PAK5: variants seen among roughly 807,000 people sequenced by gnomAD.
PAK5 encodes p21 (RAC1) activated kinase 5, also known as serine/threonine-protein kinase PAK 5.
In PAK5, 16 loss-of-function variants were observed where a neutral mutation model predicts 65.9. The observed-to-expected ratio is 0.24, with a 90% CI of 0.16 to 0.37. PAK5 has a LOEUF of 0.37. Among genes scored for constraint, PAK5 ranks in the 10% least tolerant of loss-of-function variants. PAK5 has a pLI of 1.00. For missense variants in PAK5, 785 were observed against 903.9 expected (o/e 0.87, Z 1.69); for synonymous variants, 371 against 354.9 (o/e 1.05, Z -0.51).
rs528278229 is a variant in PAK5, at chr20:9,579,443, C to T, written c.990+702G>A. Among the ~76,000 whole-genome samples, 54 of 152,262 alleles carry T rather than the reference C, an allele frequency of 3.5e-4. 2 individuals carry two copies. In the South Asian group the frequency reaches 8.9e-3, roughly 25 times the overall value. On this transcript the variant is annotated intron_variant, in intron 4 of 9. Coordinates refer to ENST00000353224, the MANE Select transcript of PAK5 (RefSeq NM_177990.4). ...AACTTCTCCGGCAGTGATTCCCAAA[C>T]TTTAGGATATCATAGACCAGTCAAA...
intron 3 of PAK5, among the ~76,000 whole-genome samples, chr20:9,618,055 G>GA (rs2046693222): frequency 6.6e-6 from 1 of 152,160 alleles, no homozygotes; most frequent in Non-Finnish European, 1.5e-5. Context: ...TTCAGTGGAG[G>GA]TAATATTAGT....
At chr20:9,785,673 G>A (rs1189691257) in intron 1 of PAK5, among the ~76,000 whole-genome samples, 1 of 152,132 alleles carries the variant, frequency 6.6e-6, no homozygotes. Context: ...AATGTCTAAG[G>A]CATAGGAGAG....
rs1415020555 is a variant in PAK5 at position 9,557,605 on chromosome 20, T to C, written c.1743+3A>G. The C allele has an allele frequency of 2.5e-6, 4 of 1,607,382 alleles. No homozygotes were observed. The highest frequency in any genetic ancestry group is 1.3e-5 in the African/African-American group (1 of 74,806). ...ACGAACGGGCCAAACATGAACATCT[T>C]ACCCGGCCATCGCTTGTCAGGAGGA... On this transcript the variant is annotated splice_donor_region_variant and intron_variant, in intron 7 of 9. Coordinates refer to ENST00000353224, the MANE Select transcript of PAK5 (RefSeq NM_177990.4).
chr20:9,562,562 A>G (rs1335076265), intron 6 of PAK5, among the ~76,000 whole-genome samples: 2 of 152,226 alleles, frequency 1.3e-5, no homozygotes, highest in Non-Finnish European at 2.9e-5. Context: ...ATGGTAGAGT[A>G]ACTCAGGAGA....
intron 1 of PAK5, among the ~76,000 whole-genome samples, chr20:9,731,275 T>C (rs1021581698): frequency 2.0e-5 from 3 of 152,178 alleles, no homozygotes; most frequent in Non-Finnish European, 4.4e-5. Context: ...GTAGCTGCAT[T>C]AAAAGGAAAA....
At chr20:9,681,646 A>G (rs571753086) in intron 2 of PAK5, among the ~76,000 whole-genome samples, 11 of 152,298 alleles carry the variant, frequency 7.2e-5, no homozygotes, top group African/African-American at 2.6e-4. Flanking sequence ...TGTTCAATGT[A>G]AGAGCCTTGG....
At chr20:9,812,509 C>G (rs74360397) in intron 1 of PAK5, among the ~76,000 whole-genome samples, 272 of 152,228 alleles carry the variant, frequency 1.8e-3, no homozygotes, top group Non-Finnish European at 3.4e-3. Context: ...AACTCTCAGA[C>G]AGAAAACAGG....
At chr20:9,540,581 C>A (rs913744101) in intron 9 of PAK5, among the ~76,000 whole-genome samples, 16 of 152,128 alleles carry the variant, frequency 1.1e-4, no homozygotes, top group Non-Finnish European at 2.1e-4. Flanking sequence ...ATTCACTGTC[C>A]AATTATACCA....
chr20:9,629,130 G>A (rs2046888080), intron 3 of PAK5, among the ~76,000 whole-genome samples: 1 of 152,024 alleles, frequency 6.6e-6, no homozygotes, highest in South Asian at 2.1e-4. Flanking sequence ...GGATGGGAAG[G>A]CAGTGGGGAA....
chr20:9,561,698 G>C (rs1374247779), intron 6 of PAK5, among the ~76,000 whole-genome samples: 1 of 152,064 alleles, frequency 6.6e-6, no homozygotes, highest in African/African-American at 2.4e-5. Flanking sequence ...TATGTACCTG[G>C]ATCCACTTTT....
intron 1 of PAK5, among the ~76,000 whole-genome samples, chr20:9,832,932 A>G (rs1360966733): frequency 6.6e-6 from 1 of 152,160 alleles, no homozygotes; most frequent in East Asian, 1.9e-4. Flanking sequence ...TGGTGTCAAT[A>G]TTGTTTTCCA....
At chr20:9,671,444 T>C (rs1002198720) in intron 2 of PAK5, among the ~76,000 whole-genome samples, 4 of 152,070 alleles carry the variant, frequency 2.6e-5, no homozygotes, top group Non-Finnish European at 5.9e-5. Context: ...TCCTCTTTTA[T>C]TTCATTGAGC....
intron 7 of PAK5, among the ~76,000 whole-genome samples, chr20:9,553,629 C>T (rs2045464456): frequency 6.6e-6 from 1 of 151,768 alleles, no homozygotes; most frequent in Admixed American, 6.6e-5. Context: ...TTGGTGTTTT[C>T]TCACTCAGTA....
intron 3 of PAK5, among the ~76,000 whole-genome samples, chr20:9,601,194 A>G (rs1265908033): frequency 6.6e-6 from 1 of 152,184 alleles, no homozygotes; most frequent in Non-Finnish European, 1.5e-5. Context: ...GCCTATTACA[A>G]GGGAGAGTCT....
intron 1 of PAK5, among the ~76,000 whole-genome samples, chr20:9,819,066 C>A (rs944618480): frequency 9.9e-5 from 15 of 152,226 alleles, no homozygotes; most frequent in African/African-American, 3.4e-4. Context: ...AGAAAGAAAG[C>A]ATCAGGATAA....
intron 2 of PAK5, among the ~76,000 whole-genome samples, chr20:9,708,651 A>G (rs764854724): frequency 5.9e-5 from 9 of 152,096 alleles, no homozygotes; most frequent in Non-Finnish European, 1.0e-4. Context: ...AAAAGCAAAC[A>G]TCTGGGACTC....
chr20:9,825,967 C>A (rs1196796664), intron 1 of PAK5, among the ~76,000 whole-genome samples: 1 of 151,858 alleles, frequency 6.6e-6, no homozygotes, highest in Non-Finnish European at 1.5e-5. Context: ...CTTTAATGAC[C>A]AAGAGGGTAA....
In PAK5 at chr20:9,539,351, A is replaced by T; in HGVS notation, c.*111T>A. ...CTGCCGGTCATCACGCTGTCCCACCAATTGGCTGGTCTAGAATGCACAGGC... is the reference window on the plus strand; with the variant it reads ...CTGCCGGTCATCACGCTGTCCCACCTATTGGCTGGTCTAGAATGCACAGGC... On this transcript the variant is annotated 3_prime_UTR_variant, in exon 10 of 10. Transcript: ENST00000353224. 9.8e-7 allele frequency: 1 copy of T among 1,015,654 alleles called. No homozygotes were observed. The highest frequency in any genetic ancestry group is 1.5e-6 in the Non-Finnish European group (1 of 668,614). 62.9% of individuals were successfully genotyped at this position (1,015,654 alleles called of 1,614,324 possible).
chr20:9,755,265 C>T (rs985144511), intron 1 of PAK5, among the ~76,000 whole-genome samples: 4 of 152,150 alleles, frequency 2.6e-5, no homozygotes, highest in Non-Finnish European at 5.9e-5. Context: ...TTTGCAAGTG[C>T]CATTGCTTCA....
Sources: allele counts gnomAD v4.1 joint callset (sites outside exome capture counted in the v4.1 genomes callset), GRCh38; gene constraint gnomAD v4.1.1; transcripts MANE v1.5; gene names NCBI Gene and HGNC (gene_info 2026-07-23, HGNC 2026-07-21).